TEX2: variants seen among roughly 807,000 people sequenced by gnomAD.
The protein encoded by TEX2 is testis expressed 2.
Under a neutral mutation model 106.9 loss-of-function variants are expected in TEX2, and 53 were observed. That is an observed-to-expected ratio of 0.50 (90% CI 0.40 to 0.62). TEX2 has a LOEUF of 0.62. Among genes scored for constraint, TEX2 ranks in the 20% least tolerant of loss-of-function variants. The probability of loss-of-function intolerance (pLI) is 0.00; values close to 1 mark genes in which losing one functional copy is unlikely to be tolerated. For missense variants in TEX2, 1,207 were observed against 1,379.0 expected (o/e 0.88, Z 1.98); for synonymous variants, 523 against 534.8 (o/e 0.98, Z 0.30).
intron 1 of TEX2, among the ~76,000 whole-genome samples, chr17:64,228,308 G>A (rs930840887): frequency 2.6e-5 from 4 of 151,550 alleles, no homozygotes; most frequent in Non-Finnish European, 5.9e-5. Context: ...GTTTCGGGAT[G>A]ATTCAAGTAT....
intron 5 of TEX2, among the ~76,000 whole-genome samples, chr17:64,177,946 C>G (rs1446006994): frequency 1.3e-5 from 2 of 152,126 alleles, no homozygotes; most frequent in Non-Finnish European, 2.9e-5. Context: ...AAAATATTCC[C>G]GGGATGCTTA....
chr17:64,150,850 T>C lies in TEX2; in HGVS notation c.3252A>G (p.Gln1084=). Residue 1084 remains glutamine (Q), a synonymous_variant, in exon 11 of 12, where the codon CAA becomes CAG. Transcript: ENST00000584379. ...VTDWIEKKLE[Q]EFQKVFVMPN... ...AACACTAGAGGTTTACCTGAAACTC[T>C]TGCTCCAGTTTCTTCTCTATCCAGT... 6.2e-7 allele frequency: 1 copy of C among 1,613,372 alleles called. No individual in the cohort carries two copies. The highest frequency in any genetic ancestry group is 8.5e-7 in the Non-Finnish European group (1 of 1,179,700).
At chr17:64,181,957 A>G (rs886178406) in intron 5 of TEX2, among the ~76,000 whole-genome samples, 1 of 152,046 alleles carries the variant, frequency 6.6e-6, no homozygotes, top group African/African-American at 2.4e-5. Context: ...CTTAAGATGC[A>G]CTAATTTCAC....
intron 1 of TEX2, among the ~76,000 whole-genome samples, chr17:64,256,876 A>G (rs1397754375): frequency 6.6e-6 from 1 of 152,250 alleles, no homozygotes; most frequent in Non-Finnish European, 1.5e-5. Context: ...CTATAAGAAT[A>G]CAGCCCAAAA....
rs539036808 is a variant in TEX2, at chr17:64,205,239, C to A, written c.1644+7335G>T. The stretch of plus-strand genomic sequence containing the variant: ...GGCTGAGGCAGGAGAATTGCCTGAA[C>A]CCGGGAGGCAGAGGTTGCAGTGAGC... On this transcript the variant is annotated intron_variant, in intron 2 of 11. Transcript: ENST00000584379. The surrounding 1 kb of genome is among the most constrained non-coding windows in gnomAD (Gnocchi z 4.0). Among the ~76,000 whole-genome samples, 32 of 152,258 alleles carry A rather than the reference C, an allele frequency of 2.1e-4. No homozygotes were observed. The highest frequency in any genetic ancestry group is 7.7e-4 in the African/African-American group (32 of 41,534).
At chr17:64,150,808 G>T in intron 11 of TEX2, 33 bp downstream of exon 11, 2 of 1,590,712 alleles carry the variant, frequency 1.3e-6, no homozygotes, top group Non-Finnish European at 1.7e-6. Context: ...TTCTATACTT[G>T]GTGTGAAATA....
intron 1 of TEX2, chr17:64,255,800 G>C (rs1328812273): frequency 6.6e-6 from 1 of 152,216 alleles, no homozygotes; most frequent in Non-Finnish European, 1.5e-5. Flanking sequence ...TGGAGATGGG[G>C]TTCAGGCAGG....
intron 7 of TEX2, among the ~76,000 whole-genome samples, chr17:64,164,825 G>A (rs2031053288): frequency 6.6e-6 from 1 of 152,214 alleles, no homozygotes; most frequent in Non-Finnish European, 1.5e-5. Flanking sequence ...AACCACAAGA[G>A]GCTCTTCTGC....
rs147793495 is a variant in TEX2 at position 64,224,787 on chromosome 17, C to T, written c.-25-10545G>A. Among the ~76,000 whole-genome samples, 28 of 151,954 alleles carry T rather than the reference C, an allele frequency of 1.8e-4. No homozygotes were observed. The East Asian group carries it at 4.6e-3, about 25-fold the overall frequency. On this transcript the variant is annotated intron_variant, in intron 1 of 11. Coordinates refer to ENST00000584379, the MANE Select transcript of TEX2 (RefSeq NM_001288732.2). ...CCACATCCCAGAGGAAAGGGGGGTT[C>T]GAAAGCATCAATACAATTAGAATTT...
intron 9 of TEX2, among the ~76,000 whole-genome samples, chr17:64,154,229 T>C (rs1273217152): frequency 6.6e-6 from 1 of 152,260 alleles, no homozygotes; most frequent in Non-Finnish European, 1.5e-5. Context: ...GGTTGGTTTT[T>C]TCTTATAAAA....
At position 64,213,168 on chromosome 17, in the gene TEX2, C is replaced by T. The variant is rs1598186844; in HGVS notation, c.1050G>A (p.Glu350=). 4 of 1,614,210 alleles carry T rather than the reference C, an allele frequency of 2.5e-6. No homozygotes were observed. The highest frequency in any genetic ancestry group is 2.2e-5 in the East Asian group (1 of 44,890). Reference sequence around the variant, plus strand: ...CGTAGCCATCCCCCTCAGAATCACACTCCTCCTCCTTGATGCTGTAGTTGT... The same window carrying T: ...CGTAGCCATCCCCCTCAGAATCACATTCCTCCTCCTTGATGCTGTAGTTGT... ...SNNNYSIKEE[E]CDSEGDGYGS... Residue 350 remains glutamate, a synonymous_variant, in exon 2 of 12, where the codon GAG becomes GAA. Coordinates refer to ENST00000584379, the MANE Select transcript of TEX2 (RefSeq NM_001288732.2). This position sits in a 1 kb window ranked among gnomAD's most constrained non-coding sequence, Gnocchi z 4.4.
chr17:64,245,969 A>C (rs1221528207), intron 1 of TEX2, among the ~76,000 whole-genome samples: 1 of 152,208 alleles, frequency 6.6e-6, no homozygotes, highest in Non-Finnish European at 1.5e-5. Context: ...TGGCTCTATC[A>C]ATAAAGAGAT....
chr17:64,231,016 G>T (rs2033643022), intron 1 of TEX2, among the ~76,000 whole-genome samples: 1 of 152,206 alleles, frequency 6.6e-6, no homozygotes, highest in African/African-American at 2.4e-5. Context: ...GACTTGTCTT[G>T]CTCAGCCCAG....
At chr17:64,177,265 A>C in intron 6 of TEX2, 60 bp downstream of exon 6, 1 of 1,600,718 alleles carries the variant, frequency 6.2e-7, no homozygotes, top group Non-Finnish European at 8.5e-7. Flanking sequence ...ATAAGGGTAC[A>C]AAATTTCCAG....
chr17:64,262,106 C>T (rs2034297494), intron 1 of TEX2, among the ~76,000 whole-genome samples: 4 of 152,228 alleles, frequency 2.6e-5, no homozygotes, highest in Admixed American at 2.6e-4. Context: ...ATGTAAAAGC[C>T]TCATTCCTTT....
Position 64,188,214 on chromosome 17 carries a change from C to G in TEX2, c.2378G>C (p.Arg793Thr), listed in dbSNP as rs547970919. The change falls in exon 5 of 12, where the codon AGG becomes ACG. Residue 793 changes from arginine (R) to threonine (T), a missense_variant. Arg to Thr is a moderately conservative substitution (Grantham distance 71, BLOSUM62 -1). Coordinates refer to ENST00000584379, the MANE Select transcript of TEX2 (RefSeq NM_001288732.2). The part of the protein sequence containing the change: ...CVPQESRSPQ[R>T]SPLQSAESSP... ...GCTCTCCGCACTCTGCAGGGGGCTC[C>G]TCTGGGGGCTTCGGCTTTCCTGGGG... is the stretch of plus-strand genomic sequence containing the variant. 6.2e-7 allele frequency: 1 copy of G among 1,612,732 alleles called. No individual in the cohort carries two copies. Among genetic ancestry groups the G allele is most frequent in the African/African-American group, 1.3e-5 (1 of 75,042 alleles).
intron 9 of TEX2, among the ~76,000 whole-genome samples, chr17:64,154,412 C>T (rs1286625742): frequency 1.3e-5 from 2 of 152,198 alleles, no homozygotes; most frequent in Admixed American, 6.5e-5. Context: ...CAGTCATCAG[C>T]GCTTTCAAAA....
chr17:64,232,145 G>A (rs2033671542), intron 1 of TEX2, among the ~76,000 whole-genome samples: 1 of 152,180 alleles, frequency 6.6e-6, no homozygotes, highest in African/African-American at 2.4e-5. Context: ...CAGAATTTAG[G>A]ATGATGTACA....
Position 64,167,496 on chromosome 17 carries a change from C to T in TEX2, c.2671+3604G>A, listed in dbSNP as rs80137099. Among the ~76,000 whole-genome samples, 547 of 152,166 alleles carry T rather than the reference C, an allele frequency of 3.6e-3. 6 individuals carry two copies. The East Asian group carries it at 0.037, about 10-fold the overall frequency. ...TTTGTATTGACTCATTTAATCCTCA[C>T]GACAAGCTTATGAAGTAGGTGCTGT... On this transcript the variant is annotated intron_variant, in intron 7 of 11. Transcript: ENST00000584379.
Sources: gnomAD v4.1 joint callset for allele counts (sites outside exome capture counted in the v4.1 genomes callset) on GRCh38, gnomAD v4.1.1 for gene constraint, Gnocchi (gnomAD v3.1) non-coding constraint, MANE v1.5 for transcripts, NCBI Gene and HGNC (gene_info 2026-07-23, HGNC 2026-07-21) for gene names.